The following CPNE5 variants were observed in gnomAD, a reference collection of about 807,000 sequenced individuals.
CPNE5 encodes copine 5, also known as copine-5.
Under a neutral mutation model 81.1 loss-of-function variants are expected in CPNE5, and 42 were observed. The observed-to-expected ratio is 0.52, with a 90% CI of 0.40 to 0.67. The LOEUF (loss-of-function observed/expected upper bound fraction) is 0.67. Among genes scored for constraint, CPNE5 ranks in the 30% least tolerant of loss-of-function variants. The probability of loss-of-function intolerance (pLI) is 0.00; values close to 1 mark genes in which losing one functional copy is unlikely to be tolerated. For missense variants in CPNE5, 612 were observed against 815.5 expected (o/e 0.75, Z 3.04); for synonymous variants, 313 against 321.5 (o/e 0.97, Z 0.28).
chr6:36,758,234 A>G lies in CPNE5; in HGVS notation c.856-1936T>C, dbSNP rs541976953. Among the ~76,000 whole-genome samples the G allele has an allele frequency of 1.6e-4, 25 of 152,320 alleles. No individual in the cohort carries two copies. In the South Asian group the frequency reaches 5.0e-3, roughly 30 times the overall value. On this transcript the variant is annotated intron_variant, in intron 12 of 20. Transcript: ENST00000244751. ...GAGGATTAAATGGGCCAATGCAAGCAAAGTGCCTAGAACAGTTTGGAATGT... is the reference window on the plus strand; with the variant it reads ...GAGGATTAAATGGGCCAATGCAAGCGAAGTGCCTAGAACAGTTTGGAATGT...
intron 9 of CPNE5, 32 bp downstream of exon 9, chr6:36,778,822 G>T (rs751520016): frequency 1.6e-5 from 23 of 1,414,152 alleles, no homozygotes; most frequent in Non-Finnish European, 2.1e-5. Flanking sequence ...GGACGAGAAG[G>T]TGCAGTGCAC....
At chr6:36,821,230 G>C (rs544551307) in intron 3 of CPNE5, among the ~76,000 whole-genome samples, 1 of 152,062 alleles carries the variant, frequency 6.6e-6, no homozygotes, top group Admixed American at 6.5e-5. Flanking sequence ...CTGGAGGCGG[G>C]GGCGGGCCGT....
chr6:36,750,854 T>G (rs1276578063), intron 14 of CPNE5, among the ~76,000 whole-genome samples: 1 of 152,184 alleles, frequency 6.6e-6, no homozygotes, highest in Non-Finnish European at 1.5e-5. Context: ...TTGCTCTAAC[T>G]AGTCCTCCCC....
intron 1 of CPNE5, 91 bp from the exon 2 acceptor site, chr6:36,823,189 G>A (rs1471482576): frequency 1.8e-6 from 2 of 1,124,560 alleles, no homozygotes; most frequent in African/African-American, 1.6e-5. Context: ...CCCAGAGGCT[G>A]CCTCTGGCCT....
At chr6:36,764,262 C>G (rs972852894) in intron 11 of CPNE5, among the ~76,000 whole-genome samples, 2 of 151,972 alleles carry the variant, frequency 1.3e-5, no homozygotes, top group African/African-American at 2.4e-5. Context: ...TAAGACGAGG[C>G]AAATTCCAGG....
intron 6 of CPNE5, 60 bp from the exon 7 acceptor site, chr6:36,794,709 G>C: frequency 1.3e-6 from 2 of 1,489,740 alleles, no homozygotes; most frequent in East Asian, 4.6e-5. Flanking sequence ...ACCCAGACAG[G>C]CCAGCGCACT....
intron 3 of CPNE5, among the ~76,000 whole-genome samples, chr6:36,806,178 C>A (rs928686182): frequency 9.8e-5 from 15 of 152,298 alleles, no homozygotes; most frequent in Middle Eastern, 3.4e-3. Flanking sequence ...TGGGCTGATA[C>A]GGAGGCTGGA....
chr6:36,786,938 C>G (rs972321800), intron 8 of CPNE5, among the ~76,000 whole-genome samples: 2 of 151,914 alleles, frequency 1.3e-5, no homozygotes, highest in Admixed American at 6.6e-5. Flanking sequence ...TTTTTTTTAG[C>G]ATCAGGAAGA....
In CPNE5 at chr6:36,824,995, A is replaced by G. The variant is rs1772377831; in HGVS notation, c.96-1897T>C. On this transcript the variant is annotated intron_variant, in intron 1 of 20. Transcript: ENST00000244751. ...GTCAGAGCTAGATGAGGCCCTGAGGAGGATCTGTTCCTCTTTCTCCTCCAT... is the reference window on the plus strand; with the variant it reads ...GTCAGAGCTAGATGAGGCCCTGAGGGGGATCTGTTCCTCTTTCTCCTCCAT... Among the ~76,000 whole-genome samples, 3 of 152,166 alleles carry G rather than the reference A, an allele frequency of 2.0e-5. 1 individual carries two copies. The South Asian group carries it at 6.2e-4, about 31-fold the overall frequency.
chr6:36,814,787 G>T (rs1771393711), intron 3 of CPNE5, among the ~76,000 whole-genome samples: 1 of 152,144 alleles, frequency 6.6e-6, no homozygotes. Context: ...TTCCTCCTCT[G>T]TCAAATGGGG....
intron 1 of CPNE5, among the ~76,000 whole-genome samples, chr6:36,827,910 T>G (rs1772647228): frequency 6.6e-6 from 1 of 152,076 alleles, no homozygotes; most frequent in Non-Finnish European, 1.5e-5. Context: ...ACCCTTCCGC[T>G]GTCTGCACAG....
intron 12 of CPNE5, among the ~76,000 whole-genome samples, chr6:36,760,681 T>C (rs1335880445): frequency 6.6e-6 from 1 of 152,104 alleles, no homozygotes; most frequent in Non-Finnish European, 1.5e-5. Context: ...GATGGGAATA[T>C]TTGAGATGAA....
At chr6:36,816,922 G>A (rs1771594828) in intron 3 of CPNE5, among the ~76,000 whole-genome samples, 1 of 152,222 alleles carries the variant, frequency 6.6e-6, no homozygotes, top group South Asian at 2.1e-4. Context: ...GGGACCACAG[G>A]TGTGGGTCAC....
rs371116498 is a variant in CPNE5 at position 36,831,215 on chromosome 6, C to T, written c.95+8068G>A. Among the ~76,000 whole-genome samples the T allele has an allele frequency of 4.6e-5, 7 of 150,624 alleles. No individual in the cohort carries two copies. The East Asian group carries it at 7.8e-4, about 17-fold the overall frequency. Reference sequence around the variant, plus strand: ...GATTACAGGCACATACCACCACACCCGGCTAATTTTTGTATTTTCAGTAGA... The same window carrying T: ...GATTACAGGCACATACCACCACACCTGGCTAATTTTTGTATTTTCAGTAGA... On this transcript the variant is annotated intron_variant, in intron 1 of 20. Transcript: ENST00000244751.
In CPNE5 at chr6:36,750,193, A is replaced by T. The variant is rs1202190399; in HGVS notation, c.972-1926T>A. ...TAGTTGGGGCTATGGATGATGTAAG[A>T]TCAGGTAGGCCTCACCTCACTTGCA... is the stretch of plus-strand genomic sequence containing the variant. On this transcript the variant is annotated intron_variant, in intron 14 of 20. Coordinates refer to ENST00000244751, the MANE Select transcript of CPNE5 (RefSeq NM_020939.2). 4.6e-5 allele frequency among the ~76,000 whole-genome samples: 7 copies of T among 152,214 alleles called. No homozygotes were observed. In the East Asian group the frequency reaches 1.3e-3, roughly 29 times the overall value.
At chr6:36,823,253 G>C (rs1348217538) in intron 1 of CPNE5, among the ~76,000 whole-genome samples, 155 bp from the exon 2 acceptor site, 1 of 151,952 alleles carries the variant, frequency 6.6e-6, no homozygotes, top group Non-Finnish European at 1.5e-5. Context: ...TAAAAGCCAG[G>C]CACTGGGCAG....
chr6:36,831,661 C>T (rs1051328273), intron 1 of CPNE5, among the ~76,000 whole-genome samples: 8 of 137,850 alleles, frequency 5.8e-5, no homozygotes, highest in Non-Finnish European at 1.2e-4. Context: ...AAAAAAAGGC[C>T]TCTCAATAGC....
rs555031407 is a variant in CPNE5 at position 36,834,605 on chromosome 6, G to A, written c.95+4678C>T. 4.6e-5 allele frequency among the ~76,000 whole-genome samples: 7 copies of A among 151,350 alleles called. No individual in the cohort carries two copies. In the East Asian group the frequency reaches 7.8e-4, roughly 17 times the overall value. ...CAGTAGGCAGAGGTTGCAGTGAGCC[G>A]AGATTGGGCCACTGTACTCTACCCT... is the stretch of plus-strand genomic sequence containing the variant. On this transcript the variant is annotated intron_variant, in intron 1 of 20. Transcript: ENST00000244751.
chr6:36,745,232 T>C, intron 17 of CPNE5, 82 bp from the exon 18 acceptor site: 1 of 1,443,918 alleles, frequency 6.9e-7, no homozygotes, highest in Non-Finnish European at 9.6e-7. Flanking sequence ...CTGAACACTT[T>C]GGAGGGTGAC....
Sources: gnomAD v4.1 joint callset for allele counts (sites outside exome capture counted in the v4.1 genomes callset) on GRCh38, gnomAD v4.1.1 for gene constraint, MANE v1.5 for transcripts, NCBI Gene and HGNC (gene_info 2026-07-23, HGNC 2026-07-21) for gene names.